RAB15: variants seen among roughly 807,000 people sequenced by gnomAD.
RAB15 encodes the protein RAB15, member RAS oncogene family.
RAB15 carries 13 observed loss-of-function variants against 31.8 expected under a neutral mutation model. The observed-to-expected ratio is 0.41, with a 90% CI of 0.27 to 0.65. The LOEUF (loss-of-function observed/expected upper bound fraction) is 0.65. Among genes scored for constraint, RAB15 ranks in the 30% least tolerant of loss-of-function variants. The pLI is 0.32. For synonymous variants in RAB15, 100 were observed against 105.6 expected, an observed-to-expected ratio of 0.95 and a Z score of 0.33; for missense variants, 220 against 277.3, an observed-to-expected ratio of 0.79 and a Z score of 1.47.
rs1164843660 is a variant in RAB15, at chr14:64,971,651, C to T, written c.124+302G>A. Among the ~76,000 whole-genome samples, 2 of 152,068 alleles carry T rather than the reference C, an allele frequency of 1.3e-5. No individual in the cohort carries two copies. The highest frequency in any genetic ancestry group is 1.9e-4 in the East Asian group (1 of 5,152). On this transcript the variant is annotated intron_variant, in intron 1 of 6. Coordinates refer to ENST00000533601, the MANE Select transcript of RAB15 (RefSeq NM_001308154.2). This position sits in a 1 kb window ranked among gnomAD's most constrained non-coding sequence, Gnocchi z 4.1. ...ATTCCAGCGGCTACGATTCTTGCTACCCCAGCTCGGGGTACCCAGGCCTAC... is the reference window on the plus strand; with the variant it reads ...ATTCCAGCGGCTACGATTCTTGCTATCCCAGCTCGGGGTACCCAGGCCTAC...
chr14:64,970,844 G>A lies in RAB15; in HGVS notation c.124+1109C>T, dbSNP rs10143405. ...TAACCAGAAGGTTCTGTTCCTCCTG[G>A]CTGTATCTATCTGCTCCTACTTCTC... On this transcript the variant is annotated intron_variant, in intron 1 of 6. Transcript: ENST00000533601. The surrounding 1 kb of genome is among the most constrained non-coding windows in gnomAD (Gnocchi z 4.1). Among the ~76,000 whole-genome samples, 298 of 152,292 alleles carry A rather than the reference G, an allele frequency of 2.0e-3. 2 individuals carry two copies. Among genetic ancestry groups the A allele is most frequent in the African/African-American group, 6.7e-3 (279 of 41,566 alleles).
rs761466933 is a variant in RAB15, at chr14:64,953,763, C to A, written c.125-1192G>T. 2.0e-6 allele frequency: 2 copies of A among 983,846 alleles called. No individual in the cohort carries two copies. The highest frequency in any genetic ancestry group is 1.1e-4 in the East Asian group (1 of 8,806). 60.9% of individuals were successfully genotyped at this position (983,846 alleles called of 1,614,324 possible). On this transcript the variant is annotated intron_variant, in intron 1 of 6. Transcript: ENST00000533601. The surrounding 1 kb of genome is among the most constrained non-coding windows in gnomAD (Gnocchi z 4.6). ...ACTATGCCCAGGGATTCAAGAGCTA[C>A]GTCTGGTGGGTTAATTAAGCTTACG...
In RAB15 at chr14:64,950,791, C is replaced by T. The variant is rs1223049546; in HGVS notation, c.324+283G>A. 4 of 635,950 alleles carry T rather than the reference C, an allele frequency of 6.3e-6. No individual in the cohort carries two copies. The African/African-American group carries it at 7.3e-5, about 12-fold the overall frequency. 39.4% of individuals were successfully genotyped at this position (635,950 alleles called of 1,614,324 possible). On this transcript the variant is annotated intron_variant, in intron 4 of 6. Transcript: ENST00000533601. The surrounding 1 kb of genome is among the most constrained non-coding windows in gnomAD (Gnocchi z 5.6). ...CCAGGACTAGATCCCAATCTTGCAA[C>T]TCCACCTGGTCCCAAGATTTCAGGA... is the stretch of plus-strand genomic sequence containing the variant.
chr14:64,946,369 G>A lies in RAB15; in HGVS notation c.*1985C>T, dbSNP rs1340280097. The A allele has an allele frequency of 2.6e-5, 4 of 152,216 alleles. No homozygotes were observed. The highest frequency in any genetic ancestry group is 9.7e-5 in the African/African-American group (4 of 41,442). The allele number at this position is 152,216 out of a possible 1,614,324, so 9.4% of individuals were successfully genotyped here. On this transcript the variant is annotated 3_prime_UTR_variant, in exon 7 of 7. Coordinates refer to ENST00000533601, the MANE Select transcript of RAB15 (RefSeq NM_001308154.2). ...CAAGTCCCTGGCTGAAGACAGACTT[G>A]AGGGCTGGCATCACCTACTTCCCTA...
rs547074619 is a variant in RAB15 at position 64,951,669 on chromosome 14, G to A, written c.186-6C>T. 1 of 1,613,820 alleles carries A rather than the reference G, an allele frequency of 6.2e-7. No homozygotes were observed. Among genetic ancestry groups the A allele is most frequent in the African/African-American group, 1.3e-5 (1 of 75,032 alleles). On this transcript the variant is annotated splice_region_variant and splice_polypyrimidine_tract_variant and intron_variant, in intron 2 of 6. Coordinates refer to ENST00000533601, the MANE Select transcript of RAB15 (RefSeq NM_001308154.2). This position sits in a 1 kb window ranked among gnomAD's most constrained non-coding sequence, Gnocchi z 7.2. Reference sequence around the variant, plus strand: ...TCTCCTGCCCTGCAGTGTCCCTGCAGGAGAAAGCCAGTCCCTCAGAGGAGC... The same window carrying A: ...TCTCCTGCCCTGCAGTGTCCCTGCAAGAGAAAGCCAGTCCCTCAGAGGAGC...
At chr14:64,969,216 TCAGTG>T (rs1213668346) in intron 1 of RAB15, among the ~76,000 whole-genome samples, 1 of 152,208 alleles carries the variant, frequency 6.6e-6, no homozygotes, top group African/African-American at 2.4e-5. Flanking sequence ...TCTCTCGGTC[TCAGTG>T]CAGAGCCTGG....
rs150490653 is a variant in RAB15, at chr14:64,966,278, G to C, written c.124+5675C>G. On this transcript the variant is annotated intron_variant, in intron 1 of 6. Transcript: ENST00000533601. ...GGTGTTCAGCAAATAGCGCCTGAACGACTGAGTGCACAAGTGATGGATACA... is the reference window on the plus strand; with the variant it reads ...GGTGTTCAGCAAATAGCGCCTGAACCACTGAGTGCACAAGTGATGGATACA... 2.2e-3 allele frequency among the ~76,000 whole-genome samples: 332 copies of C among 152,280 alleles called. 2 individuals carry two copies. The highest frequency in any genetic ancestry group is 7.6e-3 in the African/African-American group (315 of 41,560).
chr14:64,948,688 T>C lies in RAB15; in HGVS notation c.460A>G (p.Thr154Ala). Residue 154 changes from threonine to alanine, a missense_variant, in exon 6 of 7, where the codon ACC becomes GCC. Coordinates refer to ENST00000533601, the MANE Select transcript of RAB15 (RefSeq NM_001308154.2). This position sits in a 1 kb window ranked among gnomAD's most constrained non-coding sequence, Gnocchi z 7.0. ...CTCACCTCTTTAATGTTGAGGTTGG[T>C]GCAGGCACTTGTTTCATAGAAGTCC... ...GMDFYETSAC[T>A]NLNIKESFTR... 6.2e-7 allele frequency: 1 copy of C among 1,614,114 alleles called. No individual in the cohort carries two copies. The highest frequency in any genetic ancestry group is 8.5e-7 in the Non-Finnish European group (1 of 1,180,026).
rs1377066794 is a variant in RAB15, at chr14:64,971,442, C to G, written c.124+511G>C. Among the ~76,000 whole-genome samples, 5 of 152,142 alleles carry G rather than the reference C, an allele frequency of 3.3e-5. No individual in the cohort carries two copies. The highest frequency in any genetic ancestry group is 5.9e-5 in the Non-Finnish European group (4 of 68,016). On this transcript the variant is annotated intron_variant, in intron 1 of 6. Transcript: ENST00000533601. The surrounding 1 kb of genome is among the most constrained non-coding windows in gnomAD (Gnocchi z 4.1). ...CACCTTGCGGCTTACCTTCCCAACT[C>G]TGCCCTGGAAACTCGATCCCTGTGG...
At chr14:64,967,586 A>C (rs200328089) in intron 1 of RAB15, among the ~76,000 whole-genome samples, 7 of 46,626 alleles carry the variant, frequency 1.5e-4, no homozygotes, top group East Asian at 1.6e-3. Flanking sequence ...ACCTAGTCTC[A>C]AAAAAAAAAA....
rs776073860 is a variant in RAB15 at position 64,950,399 on chromosome 14, C to T, written c.340G>A (p.Val114Ile). Reference sequence around the variant, plus strand: ...TTATTCCCAATAAGGATCTTCTGGACGCCTTCTGGTGCGTACTAGGGACAA... The same window carrying T: ...TTATTCCCAATAAGGATCTTCTGGATGCCTTCTGGTGCGTACTAGGGACAA... ...SDVDEYAPEG[V>I]QKILIGNKAD... The change falls in exon 5 of 7, where the codon GTC (valine) becomes ATC (isoleucine). Residue 114 changes from valine (V) to isoleucine (I), a missense_variant. Transcript: ENST00000533601. The surrounding 1 kb of genome is among the most constrained non-coding windows in gnomAD (Gnocchi z 5.6). The T allele has an allele frequency of 1.5e-5, 24 of 1,614,052 alleles. No individual in the cohort carries two copies. Among genetic ancestry groups the T allele is most frequent in the Admixed American group, 6.7e-5 (4 of 60,028 alleles).
At chr14:64,964,249 C>T (rs936342896) in intron 1 of RAB15, among the ~76,000 whole-genome samples, 2 of 152,032 alleles carry the variant, frequency 1.3e-5, no homozygotes, top group Non-Finnish European at 2.9e-5. Flanking sequence ...TTAGGCCGGG[C>T]GTGGTGGCTC....
rs905233269 is a variant in RAB15 at position 64,968,219 on chromosome 14, G to A, written c.124+3734C>T. On this transcript the variant is annotated intron_variant, in intron 1 of 6. Coordinates refer to ENST00000533601, the MANE Select transcript of RAB15 (RefSeq NM_001308154.2). The surrounding 1 kb of genome is among the most constrained non-coding windows in gnomAD (Gnocchi z 4.9). ...AACAGAAGAATCTTCTCACTTTCCT[G>A]AAGAATCCCTTCTGTTGCATCTAAA... is the stretch of plus-strand genomic sequence containing the variant. Among the ~76,000 whole-genome samples, 1 of 152,190 alleles carries A rather than the reference G, an allele frequency of 6.6e-6. No homozygotes were observed. The highest frequency in any genetic ancestry group is 1.5e-5 in the Non-Finnish European group (1 of 68,028).
At chr14:64,957,808 G>A (rs1886654847) in intron 1 of RAB15, 1 of 152,080 alleles carries the variant, frequency 6.6e-6, no homozygotes, top group Admixed American at 6.5e-5. Flanking sequence ...CTGGGAGGCT[G>A]AGGAATCTTA....
At chr14:64,959,222 A>T (rs930528725) in intron 1 of RAB15, among the ~76,000 whole-genome samples, 1 of 152,218 alleles carries the variant, frequency 6.6e-6, no homozygotes, top group Non-Finnish European at 1.5e-5. Context: ...GGTCCAGACC[A>T]GACTCCAAGT....
At position 64,948,490 on chromosome 14, in the gene RAB15, A is replaced by G. The variant is rs1400423252; in HGVS notation, c.503T>C (p.Leu168Pro). Residue 168 changes from leucine to proline, a missense_variant, in exon 7 of 7, where the codon CTG (leucine) becomes CCG (proline). By Grantham distance (98) the Leu-to-Pro change is moderately conservative (BLOSUM62 -3). Transcript: ENST00000533601. The surrounding 1 kb of genome is among the most constrained non-coding windows in gnomAD (Gnocchi z 7.0). ...IKESFTRLTE[L>P]VLQAHRKELE... ...CTCCTTCCTATGGGCCTGCAGCACCAGCTCTGTCAGACGCGTGAATGACTG... is the reference window on the plus strand; with the variant it reads ...CTCCTTCCTATGGGCCTGCAGCACCGGCTCTGTCAGACGCGTGAATGACTG... The G allele has an allele frequency of 6.2e-7, 1 of 1,610,106 alleles. No individual in the cohort carries two copies. Among genetic ancestry groups the G allele is most frequent in the Non-Finnish European group, 8.5e-7 (1 of 1,178,182 alleles).
rs1362308185 is a variant in RAB15, at chr14:64,958,756, A to G, written c.125-6185T>C. Among the ~76,000 whole-genome samples the G allele has an allele frequency of 6.6e-6, 1 of 152,206 alleles. No individual in the cohort carries two copies. Among genetic ancestry groups the G allele is most frequent in the Non-Finnish European group, 1.5e-5 (1 of 68,032 alleles). On this transcript the variant is annotated intron_variant, in intron 1 of 6. Transcript: ENST00000533601. The surrounding 1 kb of genome is among the most constrained non-coding windows in gnomAD (Gnocchi z 4.4). ...CTGGCAGAGGTTCTCGGAGACGCTG[A>G]GAGCCCCAGGAGGAGAAAGTCAGAC...
chr14:64,961,203 C>T (rs1566847092), intron 1 of RAB15, among the ~76,000 whole-genome samples: 1 of 152,206 alleles, frequency 6.6e-6, no homozygotes, highest in South Asian at 2.1e-4. Context: ...AAGCACAGGT[C>T]CCAGGAGTGC....
At chr14:64,949,816 C>G (rs1300378733) in intron 5 of RAB15, among the ~76,000 whole-genome samples, 3 of 152,056 alleles carry the variant, frequency 2.0e-5, no homozygotes, top group Non-Finnish European at 2.9e-5. Flanking sequence ...CTTGGACATT[C>G]CCTCAGCGTC....
Sources: gnomAD v4.1 joint callset for allele counts (sites outside exome capture counted in the v4.1 genomes callset) on GRCh38, gnomAD v4.1.1 for gene constraint, Gnocchi (gnomAD v3.1) non-coding constraint, MANE v1.5 for transcripts, NCBI Gene and HGNC (gene_info 2026-07-23, HGNC 2026-07-21) for gene names.